The following ANKFN1 variants were observed in gnomAD, a reference collection of about 807,000 sequenced individuals.
ANKFN1 encodes ankyrin repeat and fibronectin type-III domain-containing protein 1.
Under a neutral mutation model 108.7 loss-of-function variants are expected in ANKFN1, and 74 were observed. That is an observed-to-expected ratio of 0.68 (90% CI 0.56 to 0.83). The LOEUF is 0.83. ANKFN1 is among the 40% of genes least tolerant of loss of function. The pLI, the probability that ANKFN1 is intolerant of heterozygous loss-of-function variation, is 0.00. For missense variants in ANKFN1, 1,505 were observed against 1,382.3 expected (o/e 1.09, Z -1.41); for synonymous variants, 547 against 516.2 (o/e 1.06, Z -0.81).
intron 4 of ANKFN1, among the ~76,000 whole-genome samples, chr17:56,055,566 C>CATATATATATATATATAT (rs1355346286): frequency 0.036 from 1,686 of 47,120 alleles, 244 homozygotes; most frequent in Non-Finnish European, 0.042. Context: ...GGTATATATA[C>CATATATATATATATATAT]ATATATATAT....
chr17:56,380,509 G>A (rs1183888850), intron 8 of ANKFN1, among the ~76,000 whole-genome samples: 2 of 152,274 alleles, frequency 1.3e-5, no homozygotes, highest in East Asian at 3.8e-4. Context: ...AGCACAAGGA[G>A]TCAGGGAGTT....
intron 1 of ANKFN1, among the ~76,000 whole-genome samples, chr17:56,195,688 T>C (rs375832240): frequency 1.6e-4 from 24 of 152,332 alleles, no homozygotes; most frequent in African/African-American, 5.3e-4. Flanking sequence ...CAAGGGTCTA[T>C]GACAGCAGCC....
intron 4 of ANKFN1, among the ~76,000 whole-genome samples, chr17:56,056,661 A>G (rs1403435398): frequency 6.6e-6 from 1 of 152,236 alleles, no homozygotes; most frequent in African/African-American, 2.4e-5. Flanking sequence ...CTTACCATAT[A>G]TAAATAATTA....
At chr17:56,055,642 T>C (rs1025365831) in intron 4 of ANKFN1, among the ~76,000 whole-genome samples, 5 of 140,062 alleles carry the variant, frequency 3.6e-5, no homozygotes, top group Admixed American at 2.2e-4. Flanking sequence ...CGTACTCAGG[T>C]TGGTTTCATG....
chr17:56,201,405 C>G (rs867735001), intron 1 of ANKFN1, among the ~76,000 whole-genome samples: 7 of 152,312 alleles, frequency 4.6e-5, no homozygotes, highest in South Asian at 2.1e-4. Flanking sequence ...GTCATAGTGG[C>G]CCATATCCTC....
intron 3 of ANKFN1, among the ~76,000 whole-genome samples, chr17:56,323,927 C>T (rs977194015): frequency 3.3e-5 from 5 of 152,086 alleles, no homozygotes; most frequent in African/African-American, 7.2e-5. Flanking sequence ...TATAAGGTGT[C>T]GTGCTTTCAG....
At chr17:56,477,424 G>T in intron 15 of ANKFN1, 64 bp from the exon 16 acceptor site, 1 of 1,437,580 alleles carries the variant, frequency 7.0e-7, no homozygotes, top group Non-Finnish European at 9.2e-7. Flanking sequence ...AAAGGAAAAG[G>T]TTTTGAGATT....
chr17:56,184,507 G>T (rs1326741310), intron 1 of ANKFN1, among the ~76,000 whole-genome samples: 10 of 152,112 alleles, frequency 6.6e-5, no homozygotes, highest in Non-Finnish European at 1.5e-5. Context: ...AATGCGACTT[G>T]TTTTACTGTG....
intron 1 of ANKFN1, among the ~76,000 whole-genome samples, chr17:56,200,446 G>A (rs766579091): frequency 2.0e-5 from 3 of 152,200 alleles, no homozygotes; most frequent in Non-Finnish European, 4.4e-5. Context: ...CATTGGAATA[G>A]GAGTGGTTAT....
chr17:56,225,327 A>G (rs1263536881), intron 2 of ANKFN1, among the ~76,000 whole-genome samples: 1 of 152,052 alleles, frequency 6.6e-6, no homozygotes, highest in South Asian at 2.1e-4. Context: ...TGCATTAAGC[A>G]CTCCATATTA....
At chr17:56,471,723 A>G (rs1225446641) in intron 15 of ANKFN1, 1 of 152,260 alleles carries the variant, frequency 6.6e-6, no homozygotes, top group Admixed American at 6.5e-5. Flanking sequence ...AATGAATCAC[A>G]TATGATCCAT....
chr17:56,066,631 T>C (rs925604729), intron 4 of ANKFN1, among the ~76,000 whole-genome samples: 1 of 152,206 alleles, frequency 6.6e-6, no homozygotes, highest in Non-Finnish European at 1.5e-5. Context: ...TAACCATTTT[T>C]AGGTTAAGGT....
chr17:56,452,985 G>T (rs2145215247), intron 11 of ANKFN1, among the ~76,000 whole-genome samples: 1 of 152,060 alleles, frequency 6.6e-6, no homozygotes, highest in Non-Finnish European at 1.5e-5. Flanking sequence ...CATTGTTTAA[G>T]GATTGAATAA....
intron 10 of ANKFN1, among the ~76,000 whole-genome samples, chr17:56,448,827 C>T (rs2049382612): frequency 6.6e-6 from 1 of 152,162 alleles, no homozygotes; most frequent in South Asian, 2.1e-4. Context: ...TTTCTTTTGG[C>T]TTTCAATTAC....
At chr17:56,122,973 C>T (rs895840062) in intron 4 of ANKFN1, among the ~76,000 whole-genome samples, 1 of 152,158 alleles carries the variant, frequency 6.6e-6, no homozygotes. Context: ...AGAGAGTAAC[C>T]TCTTTGTATA....
chr17:56,248,469 T>C (rs1363105089), intron 3 of ANKFN1, among the ~76,000 whole-genome samples: 2 of 152,244 alleles, frequency 1.3e-5, no homozygotes, highest in Admixed American at 1.3e-4. Flanking sequence ...CTTGACTATG[T>C]TCCTAATGTA....
chr17:56,118,182 A>G (rs1358089443), intron 4 of ANKFN1, among the ~76,000 whole-genome samples: 1 of 152,118 alleles, frequency 6.6e-6, no homozygotes, highest in Non-Finnish European at 1.5e-5. Context: ...GCATAATACT[A>G]CAATGAACTT....
chr17:56,251,126 C>A (rs1462381287), intron 3 of ANKFN1, among the ~76,000 whole-genome samples: 1 of 152,186 alleles, frequency 6.6e-6, no homozygotes, highest in African/African-American at 2.4e-5. Flanking sequence ...CACAGTGGCT[C>A]ATGCCTATAA....
chr17:56,149,022 AG>A (rs1436758823), upstream of ANKFN1, among the ~76,000 whole-genome samples: 1 of 152,158 alleles, frequency 6.6e-6, no homozygotes, highest in Non-Finnish European at 1.5e-5. Context: ...TCACACGGGG[AG>A]CAAATGGCAG....
Sources: allele counts gnomAD v4.1 joint callset (sites outside exome capture counted in the v4.1 genomes callset), GRCh38; gene constraint gnomAD v4.1.1; transcripts MANE v1.5; gene names NCBI Gene and HGNC (gene_info 2026-07-23, HGNC 2026-07-21).